Variants in LAMC3 observed in about 807,000 individuals in gnomAD.
LAMC3 encodes laminin subunit gamma-3.
A neutral mutation model predicts 173.8 loss-of-function variants in LAMC3; 128 were observed. That is an observed-to-expected ratio of 0.74 (90% confidence interval 0.64 to 0.85). The LOEUF (loss-of-function observed/expected upper bound fraction) is 0.85. Among genes scored for constraint, LAMC3 ranks in the 40% least tolerant of loss-of-function variants. LAMC3 has a pLI of 0.00. For missense variants in LAMC3, 2,022 were observed against 2,156.0 expected, an observed-to-expected ratio of 0.94 and a Z score of 1.23; for synonymous variants, 897 against 909.1, an observed-to-expected ratio of 0.99 and a Z score of 0.24.
At chr9:131,088,382 G>C (rs1229678982) in intron 27 of LAMC3, among the ~76,000 whole-genome samples, 1 of 152,124 alleles carries the variant, frequency 6.6e-6, no homozygotes, top group African/African-American at 2.4e-5. Flanking sequence ...GGTGTATGTT[G>C]AGAGTGAGTA....
Position 131,075,907 on chromosome 9 carries a change from C to T in LAMC3, c.3571C>T (p.Leu1191Phe). The T allele has an allele frequency of 6.2e-7, 1 of 1,612,202 alleles. No individual in the cohort carries two copies. The highest frequency in any genetic ancestry group is 8.5e-7 in the Non-Finnish European group (1 of 1,178,912). Residue 1191 changes from leucine (L) to phenylalanine (F), a missense_variant, in exon 21 of 28, where the codon CTC (leucine) becomes TTC (phenylalanine). Transcript: ENST00000361069. ...CGCCTCCAACACCAGCTACGCGCTT[C>T]TCTGGAATCTGCTGGAGGGAAGGGT... is the stretch of plus-strand genomic sequence containing the variant. ...LLASNTSYAL[L>F]WNLLEGRVAL...
At chr9:131,075,802 G>A in intron 20 of LAMC3, 29 bp from the exon 21 acceptor site, 1 of 1,600,334 alleles carries the variant, frequency 6.2e-7, no homozygotes, top group Non-Finnish European at 8.5e-7. Context: ...CGAGCCCTTG[G>A]TAATGCTCAG....
Position 131,009,481 on chromosome 9 carries a change from C to T in LAMC3, c.267C>T (p.Ser89=). Reference sequence around the variant, plus strand: ...ACCCCCAGCGCCACCACAACGCCTCCTACCTCACCGACTTCCACAGCCAGG... The same window carrying T: ...ACCCCCAGCGCCACCACAACGCCTCTTACCTCACCGACTTCCACAGCCAGG... The part of the protein sequence containing the change: ...AADPQRHHNA[S]YLTDFHSQDE... The change falls in exon 1 of 28, where the codon TCC becomes TCT. Residue 89 remains serine (S), a synonymous_variant. Transcript: ENST00000361069. This position sits in a 1 kb window ranked among gnomAD's most constrained non-coding sequence, Gnocchi z 4.3. 6.5e-7 allele frequency: 1 copy of T among 1,549,748 alleles called. No individual in the cohort carries two copies. Among genetic ancestry groups the T allele is most frequent in the Non-Finnish European group, 8.7e-7 (1 of 1,146,890 alleles).
intron 27 of LAMC3, 100 bp downstream of exon 27, chr9:131,087,917 C>T: frequency 3.3e-6 from 3 of 917,520 alleles, no homozygotes; most frequent in East Asian, 2.6e-5. Flanking sequence ...TCCTCCTTGT[C>T]CTCATTGCCA....
At chr9:131,047,321 C>T (rs370422122) in intron 8 of LAMC3, among the ~76,000 whole-genome samples, 5 of 151,340 alleles carry the variant, frequency 3.3e-5, no homozygotes, top group East Asian at 2.0e-4. Flanking sequence ...CCCACCACCA[C>T]GCCCAGCTTA....
At chr9:131,038,795 A>G in intron 4 of LAMC3, 69 bp from the exon 5 acceptor site, 2 of 1,493,580 alleles carry the variant, frequency 1.3e-6, no homozygotes, top group East Asian at 4.5e-5. Context: ...AGGGAGGCTG[A>G]CTGACACAGA....
chr9:131,033,301 C>A (rs1833880631), intron 3 of LAMC3, among the ~76,000 whole-genome samples: 1 of 152,222 alleles, frequency 6.6e-6, no homozygotes, highest in African/African-American at 2.4e-5. Flanking sequence ...CAGGTGCGTT[C>A]CTGCCCCAGT....
At chr9:131,078,380 T>C (rs1312617954) in intron 22 of LAMC3, among the ~76,000 whole-genome samples, 3 of 152,094 alleles carry the variant, frequency 2.0e-5, no homozygotes, top group African/African-American at 4.8e-5. Context: ...TAGTCCCAAC[T>C]ACTCGGGAGG....
At position 131,073,314 on chromosome 9, in the gene LAMC3, G is replaced by A. The variant is rs374675268; in HGVS notation, c.3487G>A (p.Ala1163Thr). The A allele has an allele frequency of 2.4e-4, 380 of 1,613,148 alleles. No individual in the cohort carries two copies. Among genetic ancestry groups the A allele is most frequent in the Non-Finnish European group, 2.9e-4 (343 of 1,179,472 alleles). ...CCTGGCCACAGAGGCCCGTGCCCTC[G>A]CCAGGAGGTGAGTCCCAAGACATGG... is the stretch of plus-strand genomic sequence containing the variant. ...SHLATEARAL[A>T]RSHRDTATKI... Residue 1163 changes from alanine (A) to threonine (T), a missense_variant, in exon 20 of 28, where the codon GCC becomes ACC. Ala to Thr is a moderately conservative substitution (Grantham distance 58, BLOSUM62 0). Transcript: ENST00000361069.
In LAMC3 at chr9:131,041,656, G is replaced by A. The variant is rs371299880; in HGVS notation, c.1303G>A (p.Ala435Thr). Reference sequence around the variant, plus strand: ...TGGCAGACCCTGCACTTGCAATCCCGCTGGCAGCCTGGACACCTGTGACCC... The same window carrying A: ...TGGCAGACCCTGCACTTGCAATCCCACTGGCAGCCTGGACACCTGTGACCC... Reference protein sequence around the residue: ...GGCRPCTCNPAGSLDTCDPRS... With the variant: ...GGCRPCTCNPTGSLDTCDPRS... The change falls in exon 7 of 28, where the codon GCT becomes ACT. Residue 435 changes from alanine (A) to threonine (T), a missense_variant. By Grantham distance (58) the Ala-to-Thr change is moderately conservative. Transcript: ENST00000361069. 77 of 1,614,012 alleles carry A rather than the reference G, an allele frequency of 4.8e-5. No individual in the cohort carries two copies. The highest frequency in any genetic ancestry group is 8.9e-5 in the East Asian group (4 of 44,880).
At chr9:131,027,159 G>A (rs1174008465) in intron 2 of LAMC3, among the ~76,000 whole-genome samples, 1 of 152,248 alleles carries the variant, frequency 6.6e-6, no homozygotes, top group Non-Finnish European at 1.5e-5. Context: ...AGAGCCCTGT[G>A]GCTCCCAGGA....
At chr9:131,031,113 G>A (rs1348786048) in intron 2 of LAMC3, among the ~76,000 whole-genome samples, 1 of 152,268 alleles carries the variant, frequency 6.6e-6, no homozygotes, top group African/African-American at 2.4e-5. Context: ...CTCTCGGGGA[G>A]CAGGAGGGCC....
Position 131,026,701 on chromosome 9 carries a change from G to T in LAMC3, c.678+112G>T. 7.0e-7 allele frequency: 1 copy of T among 1,422,484 alleles called. No homozygotes were observed. Among genetic ancestry groups the T allele is most frequent in the Non-Finnish European group, 9.2e-7 (1 of 1,089,448 alleles). 88.1% of individuals were successfully genotyped at this position (1,422,484 alleles called of 1,614,324 possible). ...GGGTGGGGGACCTGCAAAACCCCAT[G>T]GTTTTCTTTTTCTTCTTTTATTTTT... is the stretch of plus-strand genomic sequence containing the variant. On this transcript the variant is annotated intron_variant, in intron 2 of 27. Transcript: ENST00000361069. This position sits in a 1 kb window ranked among gnomAD's most constrained non-coding sequence, Gnocchi z 4.8.
chr9:131,077,943 C>G (rs1307547258), intron 22 of LAMC3, among the ~76,000 whole-genome samples: 1 of 152,148 alleles, frequency 6.6e-6, no homozygotes, highest in Admixed American at 6.6e-5. Context: ...GCAATCCCAG[C>G]TCTGCCACTC....
rs1278162085 is a variant in LAMC3 at position 131,009,436 on chromosome 9, C to T, written c.222C>T (p.Cys74=). 1 of 1,545,296 alleles carries T rather than the reference C, an allele frequency of 6.5e-7. No individual in the cohort carries two copies. The highest frequency in any genetic ancestry group is 2.5e-5 in the East Asian group (1 of 40,794). ...HVGAAGAGAH[C]QRCDAADPQR... ...GCGCCGCGGGCGCGGGGGCTCATTG[C>T]CAGCGCTGCGACGCCGCCGACCCCC... The change falls in exon 1 of 28, where the codon TGC becomes TGT. Residue 74 remains cysteine, a synonymous_variant. Transcript: ENST00000361069. The surrounding 1 kb of genome is among the most constrained non-coding windows in gnomAD (Gnocchi z 4.3).
intron 1 of LAMC3, among the ~76,000 whole-genome samples, chr9:131,024,883 A>C (rs538032427): frequency 6.6e-6 from 1 of 152,218 alleles, no homozygotes; most frequent in South Asian, 2.1e-4. Context: ...GTCACATTGC[A>C]GGAGGCCCCC....
In LAMC3 at chr9:131,079,463, G is replaced by C. The variant is rs545428029; in HGVS notation, c.3927+165G>C. Among the ~76,000 whole-genome samples, 7 of 152,320 alleles carry C rather than the reference G, an allele frequency of 4.6e-5. No homozygotes were observed. In the South Asian group the frequency reaches 1.4e-3, roughly 32 times the overall value. On this transcript the variant is annotated intron_variant, in intron 23 of 27. Coordinates refer to ENST00000361069, the MANE Select transcript of LAMC3 (RefSeq NM_006059.4). ...TAATCCCACCACTTTGGGAGGCCGA[G>C]ACGGGTGGATCACGAGGTCAGGAGA...
chr9:131,076,030 C>G, intron 21 of LAMC3, 65 bp downstream of exon 21: 1 of 1,477,462 alleles, frequency 6.8e-7, no homozygotes, highest in Non-Finnish European at 9.1e-7. Context: ...CAGGGCCTAG[C>G]CAAAGGCTGC....
chr9:131,013,571 C>T (rs1833463619), intron 1 of LAMC3, among the ~76,000 whole-genome samples: 1 of 152,188 alleles, frequency 6.6e-6, no homozygotes, highest in African/African-American at 2.4e-5. Flanking sequence ...TCCTGAGGGG[C>T]TCAGGGCCCA....
Sources: allele counts gnomAD v4.1 joint callset (sites outside exome capture counted in the v4.1 genomes callset), GRCh38; gene constraint gnomAD v4.1.1; non-coding constraint Gnocchi (gnomAD v3.1); transcripts MANE v1.5; gene names NCBI Gene and HGNC (gene_info 2026-07-23, HGNC 2026-07-21).